GIT2: variants seen among roughly 807,000 people sequenced by gnomAD.
The protein encoded by GIT2 is ARF GTPase-activating protein GIT2.
A neutral mutation model predicts 100.3 loss-of-function variants in GIT2; 32 were observed. The observed-to-expected ratio is 0.32, with a 90% CI of 0.24 to 0.43. GIT2 has a LOEUF of 0.43. Among genes scored for constraint, GIT2 ranks in the 20% least tolerant of loss-of-function variants. The pLI, the probability that GIT2 is intolerant of heterozygous loss-of-function variation, is 1.00. For missense variants in GIT2, 737 were observed against 975.1 expected, an observed-to-expected ratio of 0.76 and a Z score of 3.25; for synonymous variants, 353 against 364.1, an observed-to-expected ratio of 0.97 and a Z score of 0.35.
At position 109,933,161 on chromosome 12, in the gene GIT2, G is replaced by C. The variant is rs751666546; in HGVS notation, c.2097C>G (p.Ser699=). ...KKPKSDMVRT[S]LRLLTSSAYR... ...AGGCACTGGACGTCAGTAAACGAAGGGAAGTCCTCACCATATCAGACTTGG... is the reference window on the plus strand; with the variant it reads ...AGGCACTGGACGTCAGTAAACGAAGCGAAGTCCTCACCATATCAGACTTGG... The change falls in exon 20 of 20, where the codon TCC becomes TCG. Residue 699 remains serine, a synonymous_variant. Transcript: ENST00000355312. The surrounding 1 kb of genome is among the most constrained non-coding windows in gnomAD (Gnocchi z 4.5). 2 of 1,575,492 alleles carry C rather than the reference G, an allele frequency of 1.3e-6. No individual in the cohort carries two copies. The highest frequency in any genetic ancestry group is 1.7e-6 in the Non-Finnish European group (2 of 1,159,080).
chr12:109,949,032 C>T (rs1592988459), intron 14 of GIT2: 2 of 582,034 alleles, frequency 3.4e-6, no homozygotes, highest in Non-Finnish European at 6.0e-6. Flanking sequence ...ACAAAAAGAC[C>T]ACTCATTCTG....
Position 109,939,238 on chromosome 12 carries a change from G to T in GIT2, c.1741C>A (p.Leu581Met). The T allele has an allele frequency of 6.3e-7, 1 of 1,595,632 alleles. No homozygotes were observed. Among genetic ancestry groups the T allele is most frequent in the Non-Finnish European group, 8.6e-7 (1 of 1,163,412 alleles). ...TCAGGTGTGCTGTTCTGCTTCTCCA[G>T]CCTGGATGCCTACAAGAAAGAAGAG... Reference protein sequence around the residue: ...RDESARRASRLEKQNSTPESD... With the variant: ...RDESARRASRMEKQNSTPESD... The change falls in exon 17 of 20, where the codon CTG (leucine) becomes ATG (methionine). Residue 581 changes from leucine (L) to methionine (M), a missense_variant. By Grantham distance (15) the Leu-to-Met change is conservative (BLOSUM62 2). Around this residue, in one of 3 missense-constraint regions of GIT2, gnomAD observed 451 missense variants for 543.7 expected, o/e 0.83. Coordinates refer to ENST00000355312, the MANE Select transcript of GIT2 (RefSeq NM_057169.5).
chr12:109,949,767 ATT>A (rs981088976), intron 14 of GIT2, among the ~76,000 whole-genome samples: 13 of 152,256 alleles, frequency 8.5e-5, no homozygotes, highest in African/African-American at 2.9e-4. Context: ...GCATTGTTAG[ATT>A]TTAAAAGGTG....
rs923077491 is a variant in GIT2, at chr12:109,934,404, C to T, written c.2004-319G>A. Reference sequence around the variant, plus strand: ...GTCATTTACTTCTCATGTGTTTCATCGTCCCAATTTCTAGAAAGAGAAAGG... The same window carrying T: ...GTCATTTACTTCTCATGTGTTTCATTGTCCCAATTTCTAGAAAGAGAAAGG... On this transcript the variant is annotated intron_variant, in intron 18 of 19. Coordinates refer to ENST00000355312, the MANE Select transcript of GIT2 (RefSeq NM_057169.5). The surrounding 1 kb of genome is among the most constrained non-coding windows in gnomAD (Gnocchi z 4.5). Among the ~76,000 whole-genome samples, 1 of 152,178 alleles carries T rather than the reference C, an allele frequency of 6.6e-6. No homozygotes were observed. The highest frequency in any genetic ancestry group is 6.5e-5 in the Admixed American group (1 of 15,276).
chr12:109,951,648 AT>A (rs1292006515), intron 13 of GIT2, among the ~76,000 whole-genome samples: 4 of 152,308 alleles, frequency 2.6e-5, no homozygotes, highest in Non-Finnish European at 5.9e-5. Context: ...TAATTCATTC[AT>A]TCCAACATTT....
At position 109,996,282 on chromosome 12, in the gene GIT2, G is replaced by A. The variant is rs1038458410; in HGVS notation, c.-58C>T. ...GCCGGGGGACAGCAAAGGCGGCGGTGGCGGCGGCGCTTCCGCTCTAACGGG... is the reference window on the plus strand; with the variant it reads ...GCCGGGGGACAGCAAAGGCGGCGGTAGCGGCGGCGCTTCCGCTCTAACGGG... On this transcript the variant is annotated 5_prime_UTR_variant, in exon 1 of 20. Transcript: ENST00000355312. 1 of 1,264,296 alleles carries A rather than the reference G, an allele frequency of 7.9e-7. No individual in the cohort carries two copies. Among genetic ancestry groups the A allele is most frequent in the Non-Finnish European group, 1.1e-6 (1 of 906,222 alleles). The allele number at this position is 1,264,296 out of a possible 1,614,324, so 78.3% of individuals were successfully genotyped here. A position where few individuals can be genotyped will look rare whatever the true frequency, so the allele number is the denominator to read the frequency against.
upstream of GIT2, chr12:109,998,187 T>A (rs1438953259): frequency 2.0e-5 from 3 of 152,250 alleles, no homozygotes; most frequent in African/African-American, 7.2e-5. Flanking sequence ...AGTCCATCTC[T>A]ACAGTGTGAT....
chr12:109,993,302 G>A (rs1290237479), intron 1 of GIT2, among the ~76,000 whole-genome samples: 2 of 151,958 alleles, frequency 1.3e-5, no homozygotes, highest in South Asian at 2.1e-4. Context: ...CTGGTCAAAG[G>A]GTTACATTTA....
chr12:109,980,373 C>CTTTATTTA (rs376418698), intron 7 of GIT2, among the ~76,000 whole-genome samples: 1 of 151,862 alleles, frequency 6.6e-6, no homozygotes, highest in South Asian at 2.1e-4. Flanking sequence ...CCGGCAGAAG[C>CTTTATTTA]TTTATTTATT....
intron 8 of GIT2, 31 bp from the exon 9 acceptor site, chr12:109,965,608 T>A (rs1411545882): frequency 1.4e-6 from 2 of 1,423,170 alleles, no homozygotes; most frequent in South Asian, 2.4e-5. Flanking sequence ...AATAAGCAAA[T>A]AAATAAAGCC....
chr12:109,983,893 C>G, intron 4 of GIT2, 199 bp from the exon 5 acceptor site: 2 of 528,450 alleles, frequency 3.8e-6, no homozygotes, highest in South Asian at 4.6e-5. Context: ...GGCCACTTTA[C>G]TGATAAGGAA....
chr12:109,935,527 G>A (rs537546428), intron 18 of GIT2, among the ~76,000 whole-genome samples: 47 of 152,254 alleles, frequency 3.1e-4, no homozygotes, highest in African/African-American at 1.0e-3. Flanking sequence ...TCAGCCTCTC[G>A]AGTAGCTGGG....
intron 12 of GIT2, among the ~76,000 whole-genome samples, chr12:109,956,797 G>A (rs1294090270): frequency 2.6e-5 from 4 of 151,988 alleles, no homozygotes; most frequent in African/African-American, 7.2e-5. Flanking sequence ...TGGGCAGATC[G>A]CTTAAGGCTG....
intron 2 of GIT2, 27 bp from the exon 3 acceptor site, chr12:109,989,829 C>T: frequency 1.7e-6 from 2 of 1,155,140 alleles, no homozygotes; most frequent in Non-Finnish European, 2.6e-6. Context: ...TGACATAAGA[C>T]TTTAATTTCT....
intron 4 of GIT2, among the ~76,000 whole-genome samples, chr12:109,986,548 A>G (rs1887419639): frequency 6.6e-6 from 1 of 152,050 alleles, no homozygotes; most frequent in African/African-American, 2.4e-5. Context: ...GCGGATCACG[A>G]GGTCAGGAAA....
At chr12:109,971,141 A>G (rs1364517298) in intron 7 of GIT2, among the ~76,000 whole-genome samples, 2 of 152,196 alleles carry the variant, frequency 1.3e-5, no homozygotes, top group East Asian at 3.9e-4. Context: ...CCTCAATTGA[A>G]GTAAATTTAT....
chr12:109,939,058 A>T, intron 17 of GIT2, 107 bp downstream of exon 17: 1 of 706,562 alleles, frequency 1.4e-6, no homozygotes, highest in Non-Finnish European at 2.6e-6. Context: ...TGAGTCTGAA[A>T]ATAGAGAAAA....
At chr12:109,944,002 G>T (rs1013983978) in intron 16 of GIT2, among the ~76,000 whole-genome samples, 1 of 152,150 alleles carries the variant, frequency 6.6e-6, no homozygotes, top group Non-Finnish European at 1.5e-5. Flanking sequence ...TAGACTGAAA[G>T]TGAAGTGAAG....
chr12:109,987,009 T>A (rs1887532904), intron 4 of GIT2, among the ~76,000 whole-genome samples: 1 of 152,034 alleles, frequency 6.6e-6, no homozygotes, highest in South Asian at 2.1e-4. Flanking sequence ...TAACCCATCA[T>A]GATCAAGTAG....
Sources: allele counts gnomAD v4.1 joint callset (sites outside exome capture counted in the v4.1 genomes callset), GRCh38; gene constraint gnomAD v4.1.1; regional missense constraint gnomAD v4.1.1; non-coding constraint Gnocchi (gnomAD v3.1); transcripts MANE v1.5; gene names NCBI Gene and HGNC (gene_info 2026-07-23, HGNC 2026-07-21).